Variants in PLS1 observed in about 807,000 individuals in gnomAD.
The protein encoded by PLS1 is plastin 1, also known as plastin-1.
PLS1 carries 32 observed loss-of-function variants against 73.7 expected under a neutral mutation model. That is an observed-to-expected ratio of 0.43 (90% confidence interval 0.33 to 0.58). The LOEUF (loss-of-function observed/expected upper bound fraction) is 0.58, where lower values mean the gene tolerates loss of function less well. Among genes scored for constraint, PLS1 ranks in the 20% least tolerant of loss-of-function variants. The pLI, the probability that PLS1 is intolerant of heterozygous loss-of-function variation, is 0.04. For missense variants in PLS1, 633 were observed against 740.5 expected (o/e 0.85, Z 1.68); for synonymous variants, 217 against 261.3 (o/e 0.83, Z 1.63).
chr3:142,618,356 A>G (rs189307140), intron 1 of PLS1, among the ~76,000 whole-genome samples: 44 of 152,290 alleles, frequency 2.9e-4, no homozygotes, highest in African/African-American at 1.0e-3. Context: ...GAATAAAACT[A>G]TCTGAGCCTG....
chr3:142,680,002 T>A (rs991512725), intron 6 of PLS1, among the ~76,000 whole-genome samples: 2 of 152,108 alleles, frequency 1.3e-5, no homozygotes, highest in Non-Finnish European at 2.9e-5. Context: ...CCCTTGTAAG[T>A]TGGATTCCTA....
intron 1 of PLS1, among the ~76,000 whole-genome samples, chr3:142,618,201 A>C (rs2036249362): frequency 6.6e-6 from 1 of 152,096 alleles, no homozygotes; most frequent in South Asian, 2.1e-4. Context: ...TTGGAGGGAA[A>C]ATTTATTTAA....
intron 1 of PLS1, among the ~76,000 whole-genome samples, chr3:142,635,875 G>A (rs186299483): frequency 1.6e-4 from 24 of 152,150 alleles, no homozygotes; most frequent in African/African-American, 4.8e-4. Flanking sequence ...GTGTGTGTGC[G>A]TGTGTTTTGT....
chr3:142,683,592 G>A (rs2037900541), intron 6 of PLS1, among the ~76,000 whole-genome samples: 1 of 152,220 alleles, frequency 6.6e-6, no homozygotes, highest in Admixed American at 6.5e-5. Flanking sequence ...CAGTGCTGCA[G>A]TTTCCTCATC....
intron 12 of PLS1, among the ~76,000 whole-genome samples, chr3:142,702,877 T>C (rs968819391): frequency 6.6e-5 from 10 of 152,144 alleles, no homozygotes; most frequent in African/African-American, 2.4e-4. Context: ...CAGTATGATA[T>C]AGATTTGTGC....
At chr3:142,681,042 T>C (rs2107879060) in intron 6 of PLS1, among the ~76,000 whole-genome samples, 1 of 152,318 alleles carries the variant, frequency 6.6e-6, no homozygotes, top group Non-Finnish European at 1.5e-5. Flanking sequence ...AATTGTTGAG[T>C]CTTCTATAGA....
At chr3:142,685,771 G>A (rs2037951693) in intron 8 of PLS1, among the ~76,000 whole-genome samples, 1 of 152,174 alleles carries the variant, frequency 6.6e-6, no homozygotes, top group Non-Finnish European at 1.5e-5. Context: ...AAATTAAAGA[G>A]GACAGGAAAT....
intron 1 of PLS1, among the ~76,000 whole-genome samples, chr3:142,625,495 C>T (rs753756535): frequency 1.3e-5 from 2 of 152,052 alleles, no homozygotes; most frequent in African/African-American, 4.8e-5. Flanking sequence ...GGTGGGAGGT[C>T]GAGATGCTTC....
At chr3:142,678,855 T>C (rs940651954) in intron 6 of PLS1, among the ~76,000 whole-genome samples, 14 of 151,794 alleles carry the variant, frequency 9.2e-5, no homozygotes, top group African/African-American at 3.2e-4. Context: ...CACACTGACT[T>C]CCACAATGGT....
intron 12 of PLS1, among the ~76,000 whole-genome samples, chr3:142,701,016 A>G (rs1322353398): frequency 2.0e-5 from 3 of 152,174 alleles, no homozygotes; most frequent in African/African-American, 4.8e-5. Context: ...ATGTGGAACT[A>G]TAAGTCCAAT....
At chr3:142,703,511 G>C (rs2038378748) in intron 12 of PLS1, among the ~76,000 whole-genome samples, 1 of 152,026 alleles carries the variant, frequency 6.6e-6, no homozygotes, top group African/African-American at 2.4e-5. Flanking sequence ...GGCCAGGCTG[G>C]TCTCGAACTC....
intron 1 of PLS1, among the ~76,000 whole-genome samples, chr3:142,619,955 A>G (rs1469746694): frequency 1.3e-5 from 2 of 152,132 alleles, no homozygotes; most frequent in Non-Finnish European, 2.9e-5. Context: ...CATAAAAATT[A>G]TGTATATAGC....
intron 14 of PLS1, among the ~76,000 whole-genome samples, chr3:142,705,837 G>C (rs913555152): frequency 2.0e-5 from 3 of 152,180 alleles, no homozygotes; most frequent in African/African-American, 4.8e-5. Context: ...CGTTGCCTGA[G>C]TCCTAGTTCA....
At chr3:142,700,320 TA>T (rs2038301001) in intron 12 of PLS1, among the ~76,000 whole-genome samples, 3 of 151,240 alleles carry the variant, frequency 2.0e-5, no homozygotes, top group Non-Finnish European at 2.9e-5. Flanking sequence ...ATTATTATTT[TA>T]TTTATTTATT....
intron 1 of PLS1, among the ~76,000 whole-genome samples, chr3:142,600,729 A>G (rs1281417758): frequency 1.3e-5 from 2 of 151,238 alleles, no homozygotes; most frequent in African/African-American, 2.4e-5. Context: ...TGACTTGCAC[A>G]CTGTGGTTGA....
At chr3:142,631,924 A>G (rs2036573654) in intron 1 of PLS1, among the ~76,000 whole-genome samples, 2 of 152,162 alleles carry the variant, frequency 1.3e-5, no homozygotes, top group African/African-American at 4.8e-5. Context: ...CGGTAGAGTG[A>G]AAAGGCAACC....
chr3:142,654,171 G>T (rs1407384133), intron 1 of PLS1, among the ~76,000 whole-genome samples: 2 of 152,154 alleles, frequency 1.3e-5, no homozygotes, highest in African/African-American at 4.8e-5. Flanking sequence ...CCCGTGTGGT[G>T]AGGCAGTAGG....
At chr3:142,665,020 A>G (rs1034720148) in intron 2 of PLS1, among the ~76,000 whole-genome samples, 3 of 151,888 alleles carry the variant, frequency 2.0e-5, no homozygotes, top group Non-Finnish European at 4.4e-5. Context: ...TGAAAGGTGA[A>G]CCCAGTGAAA....
At chr3:142,653,659 T>C (rs1288145026) in intron 1 of PLS1, among the ~76,000 whole-genome samples, 2 of 152,112 alleles carry the variant, frequency 1.3e-5, no homozygotes, top group Non-Finnish European at 2.9e-5. Flanking sequence ...CCACCATGCC[T>C]GGCCCTAGCT....
Sources: gnomAD v4.1 joint callset for allele counts (sites outside exome capture counted in the v4.1 genomes callset) on GRCh38, gnomAD v4.1.1 for gene constraint, MANE v1.5 for transcripts, NCBI Gene and HGNC (gene_info 2026-07-23, HGNC 2026-07-21) for gene names.